Variants in UTP6 observed in about 807,000 individuals in gnomAD.
The protein encoded by UTP6 is UTP6 small subunit processome component.
In UTP6, 60 loss-of-function variants were observed where a neutral mutation model predicts 96.5. The ratio of observed to expected loss-of-function variants is 0.62; its 90% CI spans 0.51 to 0.77. The LOEUF (loss-of-function observed/expected upper bound fraction) is 0.77, where lower values mean the gene tolerates loss of function less well. UTP6 is among the 30% of genes least tolerant of loss of function. The probability of loss-of-function intolerance (pLI) is 0.00; values close to 1 mark genes in which losing one functional copy is unlikely to be tolerated. For synonymous variants in UTP6, 215 were observed against 240.1 expected (o/e 0.90, Z 0.96); for missense variants, 637 against 706.5 (o/e 0.90, Z 1.12).
intron 6 of UTP6, among the ~76,000 whole-genome samples, chr17:31,889,794 G>A (rs954106424): frequency 2.0e-5 from 3 of 151,816 alleles, no homozygotes; most frequent in South Asian, 2.1e-4. Flanking sequence ...CACTGCGCCC[G>A]GCCCACTCAA....
chr17:31,867,281 G>A (rs1006765135), intron 17 of UTP6, among the ~76,000 whole-genome samples: 1 of 152,170 alleles, frequency 6.6e-6, no homozygotes, highest in African/African-American at 2.4e-5. Context: ...GCTGAGGGGG[G>A]CGGATCACCT....
intron 17 of UTP6, 37 bp from the exon 18 acceptor site, chr17:31,865,475 T>C: frequency 6.3e-7 from 1 of 1,589,146 alleles, no homozygotes; most frequent in Non-Finnish European, 8.6e-7. Context: ...AAAAGCCTGA[T>C]TTATAACATA....
At chr17:31,880,128 A>G in intron 11 of UTP6, 1 of 171,698 alleles carries the variant, frequency 5.8e-6, no homozygotes, top group South Asian at 1.4e-4. Flanking sequence ...AAAACAAAAA[A>G]AACCCAGGCA....
At chr17:31,864,539 C>T (rs538550888) in intron 18 of UTP6, among the ~76,000 whole-genome samples, 4 of 152,310 alleles carry the variant, frequency 2.6e-5, no homozygotes, top group Non-Finnish European at 4.4e-5. Context: ...TAGCATCTCA[C>T]GTTTACCCCT....
rs142453211 is a variant in UTP6 at position 31,863,521 on chromosome 17, T to TAA, written c.1637-7_1637-6dup. On this transcript the variant is annotated splice_region_variant and splice_polypyrimidine_tract_variant and intron_variant, in intron 18 of 18. Coordinates refer to ENST00000261708, the MANE Select transcript of UTP6 (RefSeq NM_018428.3). ...TCATATAATCCATCCAAAGATCTTT[T>TAA]AAAAAAAAAACATACAATTAGATAA... The TAA allele has an allele frequency of 3.2e-5, 48 of 1,499,168 alleles. No homozygotes were observed. The highest frequency in any genetic ancestry group is 4.3e-5 in the African/African-American group (3 of 70,440). 92.9% of individuals were successfully genotyped at this position (1,499,168 alleles called of 1,614,324 possible).
Position 31,861,594 on chromosome 17 carries a change from G to A in UTP6, c.*1765C>T, listed in dbSNP as rs1446932252. ...CACACCACTGCACTCTAGCCTAGGT[G>A]ACAAAGCAAGAACTTGTCCAATTTA... On this transcript the variant is annotated 3_prime_UTR_variant, in exon 19 of 19. Coordinates refer to ENST00000261708, the MANE Select transcript of UTP6 (RefSeq NM_018428.3). 6.6e-6 allele frequency: 1 copy of A among 151,564 alleles called. No homozygotes were observed. Among genetic ancestry groups the A allele is most frequent in the Admixed American group, 6.6e-5 (1 of 15,182 alleles). The allele number at this position is 151,564 out of a possible 1,614,324, so 9.4% of individuals were successfully genotyped here.
rs1469571217 is a variant in UTP6 at position 31,884,500 on chromosome 17, C to CTGCA, written c.705_708dup (p.Glu237CysfsTer15). On this transcript the variant is annotated frameshift_variant, in exon 10 of 19. Coordinates refer to ENST00000261708, the MANE Select transcript of UTP6 (RefSeq NM_018428.3). LOFTEE classifies it high-confidence loss of function. ...ATCGAAAGCAGTGACACGTGAAATT[C>CTGCA]TGCACCTAAATTTAAAAAGCAGGGG... The CTGCA allele has an allele frequency of 1.2e-6, 2 of 1,610,382 alleles. No individual in the cohort carries two copies. The highest frequency in any genetic ancestry group is 2.7e-5 in the African/African-American group (2 of 74,808).
At chr17:31,875,820 C>CAAAAA (rs1012799437) in intron 13 of UTP6, among the ~76,000 whole-genome samples, 23 of 65,602 alleles carry the variant, frequency 3.5e-4, no homozygotes, top group African/African-American at 3.5e-4. Flanking sequence ...AACTCTATCT[C>CAAAAA]AAAAAAAAAA....
At chr17:31,899,238 A>G (rs1489097816) in intron 2 of UTP6, among the ~76,000 whole-genome samples, 2 of 152,100 alleles carry the variant, frequency 1.3e-5, no homozygotes, top group Admixed American at 1.3e-4. Flanking sequence ...TGGAAGCTAC[A>G]CTGAGCCATG....
intron 6 of UTP6, 187 bp downstream of exon 6, chr17:31,892,073 C>T (rs1368435983): frequency 3.3e-6 from 2 of 605,208 alleles, no homozygotes; most frequent in African/African-American, 3.7e-5. Context: ...ACACCTAGGA[C>T]AGTAACTAGT....
intron 13 of UTP6, among the ~76,000 whole-genome samples, chr17:31,876,640 G>A (rs1292038033): frequency 3.3e-5 from 5 of 151,064 alleles, no homozygotes; most frequent in African/African-American, 4.9e-5. Context: ...GCGAAACTCC[G>A]TCTCAAAAAA....
At chr17:31,871,115 AAGTAGCTGGGAATACAG>A (rs1329251337) in intron 16 of UTP6, among the ~76,000 whole-genome samples, 1 of 149,484 alleles carries the variant, frequency 6.7e-6, no homozygotes, top group Non-Finnish European at 1.5e-5. Flanking sequence ...TTAGCCTCCC[AAGTAGCTGGGAATACAG>A]GCGCCTGCCA....
chr17:31,873,293 G>T lies in UTP6; in HGVS notation c.1496+85C>A. The stretch of plus-strand genomic sequence containing the variant: ...AGTGTATCAGATTACTCCCTCAGAT[G>T]CTATCTGTGATTCAAATAATCTGGG... On this transcript the variant is annotated intron_variant, in intron 16 of 18. Transcript: ENST00000261708. 4 of 1,254,814 alleles carry T rather than the reference G, an allele frequency of 3.2e-6. No homozygotes were observed. The Admixed American group carries it at 5.9e-5, about 18-fold the overall frequency. 77.7% of individuals were successfully genotyped at this position (1,254,814 alleles called of 1,614,324 possible).
At chr17:31,899,826 G>A (rs975858488) in intron 1 of UTP6, 96 bp from the exon 2 acceptor site, 29 of 877,842 alleles carry the variant, frequency 3.3e-5, no homozygotes, top group Middle Eastern at 3.6e-4. Flanking sequence ...TTCAAAATAC[G>A]AAATTCCTAG....
rs1168659841 is a variant in UTP6 at position 31,861,265 on chromosome 17, G to T, written c.*2094C>A. ...AAAAAATCACCACAAACAAGGCTGGGGGTAAAATTATTTGCAACAAATGAG... is the reference window on the plus strand; with the variant it reads ...AAAAAATCACCACAAACAAGGCTGGTGGTAAAATTATTTGCAACAAATGAG... On this transcript the variant is annotated 3_prime_UTR_variant, in exon 19 of 19. Transcript: ENST00000261708. The T allele has an allele frequency of 1.3e-5, 2 of 151,994 alleles. No homozygotes were observed. Among genetic ancestry groups the T allele is most frequent in the East Asian group, 3.9e-4 (2 of 5,158 alleles). The allele number at this position is 151,994 out of a possible 1,614,324, so 9.4% of individuals were successfully genotyped here. A position where few individuals can be genotyped will look rare whatever the true frequency, so the allele number is the denominator to read the frequency against.
Position 31,901,707 on chromosome 17 carries a change from AC to A in UTP6, c.-81del. 1 of 1,342,664 alleles carries A rather than the reference AC, an allele frequency of 7.4e-7. No individual in the cohort carries two copies. Among genetic ancestry groups the A allele is most frequent in the Non-Finnish European group, 1.1e-6 (1 of 946,092 alleles). 83.2% of individuals were successfully genotyped at this position (1,342,664 alleles called of 1,614,324 possible). A position where few individuals can be genotyped will look rare whatever the true frequency, so the allele number is the denominator to read the frequency against. On this transcript the variant is annotated 5_prime_UTR_variant, in exon 1 of 19. Transcript: ENST00000261708. ...GAAGCTCCCGGTTTCAGGTTCGGAG[AC>A]CCAGCCCTACCACCGACGCGTCCGG... is the stretch of plus-strand genomic sequence containing the variant.
chr17:31,878,124 T>A (rs896325989), intron 13 of UTP6, 126 bp downstream of exon 13: 5 of 853,442 alleles, frequency 5.9e-6, no homozygotes, highest in Non-Finnish European at 7.4e-6. Flanking sequence ...ATAAACACAC[T>A]TCACATACCG....
intron 15 of UTP6, 92 bp downstream of exon 15, chr17:31,873,581 T>C: frequency 6.2e-7 from 1 of 1,603,346 alleles, no homozygotes. Context: ...CACTCCATAG[T>C]GCTTTAGGCG....
At chr17:31,877,012 C>CA (rs1337355554) in intron 13 of UTP6, among the ~76,000 whole-genome samples, 3 of 151,786 alleles carry the variant, frequency 2.0e-5, no homozygotes, top group Non-Finnish European at 2.9e-5. Context: ...ACTCTGTCTC[C>CA]AAAAAAATTT....
Sources: allele counts gnomAD v4.1 joint callset (sites outside exome capture counted in the v4.1 genomes callset), GRCh38; gene constraint gnomAD v4.1.1; transcripts MANE v1.5; gene names NCBI Gene and HGNC (gene_info 2026-07-23, HGNC 2026-07-21).